The following SCFD1 variants were observed in gnomAD, a reference collection of about 807,000 sequenced individuals.
SCFD1 encodes sec1 family domain-containing protein 1.
Under a neutral mutation model 103.2 loss-of-function variants are expected in SCFD1, and 37 were observed. The observed-to-expected ratio is 0.36, with a 90% CI of 0.28 to 0.47. SCFD1 has a LOEUF of 0.47. Ranked by LOEUF, SCFD1 falls within the 20% of genes least tolerant of loss-of-function variation. The pLI is 1.00. For synonymous variants in SCFD1, 264 were observed against 245.0 expected (o/e 1.08, Z -0.73); for missense variants, 639 against 761.2 (o/e 0.84, Z 1.89).
chr14:30,645,005 T>G (rs1305027837), intron 7 of SCFD1, among the ~76,000 whole-genome samples: 1 of 152,194 alleles, frequency 6.6e-6, no homozygotes, highest in South Asian at 2.1e-4. Context: ...AGTTTATTTT[T>G]GTATATGGTG....
intron 19 of SCFD1, among the ~76,000 whole-genome samples, chr14:30,711,547 A>G (rs1472301194): frequency 6.6e-6 from 1 of 152,196 alleles, no homozygotes; most frequent in East Asian, 1.9e-4. Context: ...AATTTATACA[A>G]CAGTGACTGG....
intron 23 of SCFD1, among the ~76,000 whole-genome samples, chr14:30,728,768 A>C (rs1240985871): frequency 6.6e-6 from 1 of 152,094 alleles, no homozygotes; most frequent in African/African-American, 2.4e-5. Context: ...TTACGAAGTC[A>C]AGAATCTTTT....
At chr14:30,694,567 A>G (rs1890557577) in intron 14 of SCFD1, among the ~76,000 whole-genome samples, 1 of 152,122 alleles carries the variant, frequency 6.6e-6, no homozygotes, top group African/African-American at 2.4e-5. Context: ...GGTCTCAGCT[A>G]CTCGGGAGAC....
At chr14:30,638,880 T>C (rs1884995776) in intron 5 of SCFD1, among the ~76,000 whole-genome samples, 4 of 152,334 alleles carry the variant, frequency 2.6e-5, no homozygotes, top group South Asian at 4.1e-4. Flanking sequence ...CAGACAACTA[T>C]CTAGGACAAA....
chr14:30,708,307 A>G (rs1370660904), intron 19 of SCFD1, among the ~76,000 whole-genome samples: 1 of 152,076 alleles, frequency 6.6e-6, no homozygotes, highest in Non-Finnish European at 1.5e-5. Context: ...TATTAAGCCC[A>G]GCATCCATTA....
chr14:30,724,360 C>T (rs1892893307), intron 23 of SCFD1, among the ~76,000 whole-genome samples: 1 of 141,782 alleles, frequency 7.1e-6, no homozygotes, highest in Non-Finnish European at 1.5e-5. Context: ...TCAAGCGATT[C>T]TCCTGCCTCA....
At chr14:30,631,647 C>T (rs1884145765) in intron 3 of SCFD1, among the ~76,000 whole-genome samples, 2 of 151,986 alleles carry the variant, frequency 1.3e-5, no homozygotes, top group Non-Finnish European at 2.9e-5. Flanking sequence ...CCATAGTGGG[C>T]TATCTGTGTT....
chr14:30,641,069 T>C (rs957620831), intron 6 of SCFD1, among the ~76,000 whole-genome samples: 1 of 151,982 alleles, frequency 6.6e-6, no homozygotes, highest in Non-Finnish European at 1.5e-5. Context: ...AAAACAGACA[T>C]AGCTGTAAGT....
chr14:30,721,657 C>T, intron 21 of SCFD1: 1 of 508,698 alleles, frequency 2.0e-6, no homozygotes, highest in South Asian at 2.9e-5. Context: ...AGGGTTGACC[C>T]ATTTCCTTTT....
chr14:30,656,496 CT>C (rs1403429646), intron 10 of SCFD1, among the ~76,000 whole-genome samples: 1 of 152,050 alleles, frequency 6.6e-6, no homozygotes, highest in Admixed American at 6.5e-5. Context: ...CATTCCTGGC[CT>C]TGACTCTCTA....
chr14:30,645,369 A>G (rs916700448), intron 7 of SCFD1, among the ~76,000 whole-genome samples: 3 of 152,184 alleles, frequency 2.0e-5, no homozygotes, highest in Non-Finnish European at 4.4e-5. Context: ...TAATTCTGTG[A>G]AAACTGGCAT....
At chr14:30,625,405 T>A (rs1883286524) in intron 1 of SCFD1, among the ~76,000 whole-genome samples, 1 of 152,180 alleles carries the variant, frequency 6.6e-6, no homozygotes, top group South Asian at 2.1e-4. Context: ...AATTTTGATT[T>A]TGGAGCATTT....
At chr14:30,663,474 G>A (rs573846008) in intron 10 of SCFD1, among the ~76,000 whole-genome samples, 35 of 152,132 alleles carry the variant, frequency 2.3e-4, no homozygotes, top group Non-Finnish European at 5.1e-4. Context: ...GCAAAGTGAA[G>A]TTTAGATACG....
chr14:30,690,774 C>T (rs973029713), intron 14 of SCFD1, among the ~76,000 whole-genome samples: 5 of 152,054 alleles, frequency 3.3e-5, no homozygotes, highest in East Asian at 1.9e-4. Context: ...CCGTCTTCTG[C>T]GTCGCTCACG....
intron 19 of SCFD1, among the ~76,000 whole-genome samples, chr14:30,711,408 G>A (rs1474182092): frequency 1.3e-5 from 2 of 152,160 alleles, no homozygotes; most frequent in African/African-American, 2.4e-5. Context: ...AGGCATTCAA[G>A]ACCAGCCTGG....
intron 7 of SCFD1, among the ~76,000 whole-genome samples, chr14:30,644,309 T>G (rs1885589636): frequency 6.6e-6 from 1 of 152,208 alleles, no homozygotes; most frequent in Non-Finnish European, 1.5e-5. Flanking sequence ...GCAATGAACA[T>G]ATGGGTAGAT....
At chr14:30,735,281 T>C (rs1380291257) in intron 24 of SCFD1, among the ~76,000 whole-genome samples, 1 of 152,130 alleles carries the variant, frequency 6.6e-6, no homozygotes, top group Non-Finnish European at 1.5e-5. Flanking sequence ...TGCAATTCCA[T>C]TTTCTTTTCT....
intron 1 of SCFD1, among the ~76,000 whole-genome samples, chr14:30,625,571 C>T (rs944271947): frequency 4.8e-5 from 7 of 147,330 alleles, no homozygotes; most frequent in African/African-American, 1.3e-4. Flanking sequence ...GAACACAGGC[C>T]GTGTACTCCA....
intron 14 of SCFD1, 27 bp downstream of exon 14, chr14:30,675,092 A>C: frequency 1.6e-6 from 2 of 1,279,700 alleles, no homozygotes; most frequent in Non-Finnish European, 2.2e-6. Context: ...CCCCCCCACA[A>C]TATGACTTGC....
Sources: allele counts gnomAD v4.1 joint callset (sites outside exome capture counted in the v4.1 genomes callset), GRCh38; gene constraint gnomAD v4.1.1; transcripts MANE v1.5; gene names NCBI Gene and HGNC (gene_info 2026-07-23, HGNC 2026-07-21).